Variants in EVI5 observed in about 807,000 individuals in gnomAD.
EVI5 encodes ecotropic viral integration site 5 protein homolog.
EVI5 carries 73 observed loss-of-function variants against 112.0 expected under a neutral mutation model. The ratio of observed to expected loss-of-function variants is 0.65; its 90% CI spans 0.54 to 0.79. The LOEUF (loss-of-function observed/expected upper bound fraction) is 0.79. EVI5 is among the 30% of genes least tolerant of loss of function. The pLI, the probability that EVI5 is intolerant of heterozygous loss-of-function variation, is 0.00. For missense variants in EVI5, 900 were observed against 968.8 expected, an observed-to-expected ratio of 0.93 and a Z score of 0.94; for synonymous variants, 305 against 319.9, an observed-to-expected ratio of 0.95 and a Z score of 0.50.
chr1:92,682,246 G>A (rs999039295), intron 9 of EVI5, among the ~76,000 whole-genome samples: 10 of 151,958 alleles, frequency 6.6e-5, no homozygotes, highest in African/African-American at 1.5e-4. Flanking sequence ...CTCTGGTGTC[G>A]GCTCAAATAG....
chr1:92,578,511 C>T (rs1350340340), intron 18 of EVI5, among the ~76,000 whole-genome samples: 5 of 151,726 alleles, frequency 3.3e-5, no homozygotes, highest in Admixed American at 6.6e-5. Flanking sequence ...GTCAGGAGAT[C>T]GAGACCATCC....
intron 14 of EVI5, among the ~76,000 whole-genome samples, chr1:92,632,441 A>T (rs1408234351): frequency 6.6e-6 from 1 of 152,162 alleles, no homozygotes; most frequent in Non-Finnish European, 1.5e-5. Context: ...TTTATCCATT[A>T]CTTCCAGATT....
chr1:92,736,693 A>T lies in EVI5; in HGVS notation c.-81-66T>A, dbSNP rs1677508356. ...TGTATTCATTACCGAGAACTTAATAATTCTGTTAGGATTTACTTAATAACC... is the reference window on the plus strand; with the variant it reads ...TGTATTCATTACCGAGAACTTAATATTTCTGTTAGGATTTACTTAATAACC... On this transcript the variant is annotated intron_variant, in intron 1 of 19. Coordinates refer to ENST00000684568, the MANE Select transcript of EVI5 (RefSeq NM_001350197.2). 29 of 1,035,960 alleles carry T rather than the reference A, an allele frequency of 2.8e-5. No homozygotes were observed. In the South Asian group the frequency reaches 3.4e-4, roughly 12 times the overall value. The allele number at this position is 1,035,960 out of a possible 1,614,324, so 64.2% of individuals were successfully genotyped here.
rs187032082 is a variant in EVI5, at chr1:92,662,829, A to T, written c.1282T>A (p.Tyr428Asn). Residue 428 changes from tyrosine to asparagine, a missense_variant, in exon 13 of 20, where the codon TAC becomes AAC. Tyr to Asn is a moderately radical substitution (Grantham distance 143). Transcript: ENST00000684568. Reference sequence around the variant, plus strand: ...GTGGCCAACTCCCGTTTTATGAGGTAGTTTTCCTCAGCCTCCTGGGCTCTT... The same window carrying T: ...GTGGCCAACTCCCGTTTTATGAGGTTGTTTTCCTCAGCCTCCTGGGCTCTT... ...VTRAQEAEEN[Y>N]LIKRELATIK... 19 of 1,289,192 alleles carry T rather than the reference A, an allele frequency of 1.5e-5. No homozygotes were observed. The highest frequency in any genetic ancestry group is 1.9e-5 in the Non-Finnish European group (19 of 988,662). 79.9% of individuals were successfully genotyped at this position (1,289,192 alleles called of 1,614,324 possible).
At position 92,694,324 on chromosome 1, in the gene EVI5, T is replaced by TGC. The variant is rs749614693; in HGVS notation, c.972_973dup (p.Gln325ArgfsTer27). 2.0e-4 allele frequency: 316 copies of TGC among 1,598,502 alleles called. 2 individuals are homozygous for TGC. The highest frequency in any genetic ancestry group is 3.3e-5 in the Non-Finnish European group (38 of 1,168,586). ...CTGTAACATCCCTTCCATGTCAAGT[T>TGC]GCATCAGTTCTGCCTGATTCATCTG... On this transcript the variant is annotated frameshift_variant, in exon 8 of 20. Transcript: ENST00000684568. LOFTEE classifies it high-confidence loss of function.
Position 92,625,914 on chromosome 1 carries a change from A to G in EVI5, c.1548T>C (p.Asp516=). The change falls in exon 15 of 20, where the codon GAT becomes GAC. Residue 516 remains aspartate, a synonymous_variant. Coordinates refer to ENST00000684568, the MANE Select transcript of EVI5 (RefSeq NM_001350197.2). The part of the protein sequence containing the change: ...DIEKRNNSLP[D]ENNIARLQEE... ...CCTGAAGCCTTGCAATATTATTCTC[A>G]TCAGGAAGGGAGTTATTCCTCTAAA... is the stretch of plus-strand genomic sequence containing the variant. 1 of 1,606,074 alleles carries G rather than the reference A, an allele frequency of 6.2e-7. No homozygotes were observed. Among genetic ancestry groups the G allele is most frequent in the African/African-American group, 1.3e-5 (1 of 74,826 alleles).
chr1:92,556,996 C>T (rs765785167), intron 19 of EVI5, among the ~76,000 whole-genome samples: 2 of 151,990 alleles, frequency 1.3e-5, no homozygotes, highest in Non-Finnish European at 2.9e-5. Context: ...TTTTCTAAGT[C>T]AAACTTCAGT....
chr1:92,586,430 T>C lies in EVI5; in HGVS notation c.2070+18877A>G, dbSNP rs193100993. ...GGCTCATGGATATTTATTTTATACT[T>C]TGGGTTATAATCTACTTTGGGTTAT... On this transcript the variant is annotated intron_variant, in intron 18 of 19. Coordinates refer to ENST00000684568, the MANE Select transcript of EVI5 (RefSeq NM_001350197.2). Among the ~76,000 whole-genome samples, 50 of 152,284 alleles carry C rather than the reference T, an allele frequency of 3.3e-4. No individual in the cohort carries two copies. The East Asian group carries it at 9.4e-3, about 29-fold the overall frequency.
chr1:92,739,356 G>C (rs192595364), intron 1 of EVI5, among the ~76,000 whole-genome samples: 1 of 144,564 alleles, frequency 6.9e-6, no homozygotes, highest in East Asian at 2.1e-4. Context: ...ACACAAAAAA[G>C]GCCACATATT....
At chr1:92,546,523 C>A (rs567370057) in intron 19 of EVI5, among the ~76,000 whole-genome samples, 1 of 152,120 alleles carries the variant, frequency 6.6e-6, no homozygotes, top group South Asian at 2.1e-4. Context: ...ATAGTGAAAC[C>A]CCGTCTCTAC....
intron 19 of EVI5, among the ~76,000 whole-genome samples, chr1:92,549,196 T>C (rs1666347961): frequency 6.6e-6 from 1 of 152,156 alleles, no homozygotes; most frequent in South Asian, 2.1e-4. Flanking sequence ...TAATGCCACA[T>C]GTCTACAACC....
At chr1:92,748,638 T>C (rs1403720200) in intron 1 of EVI5, among the ~76,000 whole-genome samples, 4 of 152,144 alleles carry the variant, frequency 2.6e-5, no homozygotes, top group East Asian at 1.9e-4. Context: ...ACTAAAAGTA[T>C]AGAGTATCAG....
chr1:92,648,037 G>A (rs371628647), intron 13 of EVI5, among the ~76,000 whole-genome samples: 1 of 143,424 alleles, frequency 7.0e-6, no homozygotes, highest in Admixed American at 6.8e-5. Flanking sequence ...GAGCCACCAT[G>A]CCTGGCCTCA....
intron 1 of EVI5, among the ~76,000 whole-genome samples, chr1:92,742,657 G>A (rs916216411): frequency 6.0e-5 from 9 of 150,544 alleles, no homozygotes; most frequent in African/African-American, 2.2e-4. Context: ...TGGGCGACAA[G>A]ACCAAAACTC....
intron 19 of EVI5, among the ~76,000 whole-genome samples, chr1:92,542,732 T>A (rs1665030726): frequency 6.6e-6 from 1 of 152,200 alleles, no homozygotes; most frequent in South Asian, 2.1e-4. Flanking sequence ...TACTCCTTGA[T>A]CCACGGGCTG....
Position 92,625,834 on chromosome 1 carries a change from T to C in EVI5, c.1628A>G (p.Glu543Gly). The change falls in exon 15 of 20, where the codon GAA (glutamate) becomes GGA (glycine). Residue 543 changes from glutamate (E) to glycine (G), a missense_variant. Transcript: ENST00000684568. ...REAEAIMGLK[E>G]LRQQVKDLEE... ...TAAATCCTTGACTTGCTGTCTAAGT[T>C]CTTTCAAACCCATAATGGCTTCTGC... The C allele has an allele frequency of 6.2e-7, 1 of 1,613,296 alleles. No homozygotes were observed. Among genetic ancestry groups the C allele is most frequent in the Non-Finnish European group, 8.5e-7 (1 of 1,179,388 alleles).
intron 19 of EVI5, among the ~76,000 whole-genome samples, chr1:92,559,110 CTA>C (rs1408096862): frequency 6.6e-6 from 1 of 152,156 alleles, no homozygotes; most frequent in South Asian, 2.1e-4. Flanking sequence ...CAAATCATCT[CTA>C]GATAACTTAT....
intron 1 of EVI5, among the ~76,000 whole-genome samples, chr1:92,743,784 C>T (rs567629983): frequency 6.6e-6 from 1 of 151,820 alleles, no homozygotes; most frequent in East Asian, 1.9e-4. Flanking sequence ...CCGTCACTTT[C>T]AATGCCTTTT....
chr1:92,605,207 A>C, intron 18 of EVI5, 100 bp downstream of exon 18: 1 of 823,492 alleles, frequency 1.2e-6, no homozygotes, highest in Non-Finnish European at 2.0e-6. Flanking sequence ...TTACTGAAAA[A>C]AGAATCACAG....
Sources: gnomAD v4.1 joint callset for allele counts (sites outside exome capture counted in the v4.1 genomes callset) on GRCh38, gnomAD v4.1.1 for gene constraint, MANE v1.5 for transcripts, NCBI Gene and HGNC (gene_info 2026-07-23, HGNC 2026-07-21) for gene names.